NOMO1: variants seen among roughly 807,000 people sequenced by gnomAD.
NOMO1 encodes the protein nodal modulator 3.
A neutral mutation model predicts 133.8 loss-of-function variants in NOMO1; 40 were observed. The ratio of observed to expected loss-of-function variants is 0.30; its 90% CI spans 0.23 to 0.39. NOMO1 has a LOEUF of 0.39. Among genes scored for constraint, NOMO1 ranks in the 10% least tolerant of loss-of-function variants. The pLI is 1.00. For missense variants in NOMO1, 462 were observed against 1,419.9 expected (o/e 0.33, Z 10.84); for synonymous variants, 236 against 570.5 (o/e 0.41, Z 8.36).
intron 26 of NOMO1, among the ~76,000 whole-genome samples, chr16:14,883,333 CT>C: frequency 7.1e-6 from 1 of 140,474 alleles, no homozygotes; most frequent in African/African-American, 2.6e-5. Context: ...ATTTTCTTTT[CT>C]TTTTCTTTTT....
Position 14,878,922 on chromosome 16 carries a change from C to G in NOMO1, c.2757+88C>G. 2.5e-6 allele frequency: 4 copies of G among 1,571,138 alleles called. No individual in the cohort carries two copies. In the South Asian group the frequency reaches 4.4e-5, roughly 17 times the overall value. On this transcript the variant is annotated intron_variant, in intron 23 of 30. Coordinates refer to ENST00000287667, the MANE Select transcript of NOMO1 (RefSeq NM_014287.4). ...GCGAGACTTACGTGTTGCTTGACAA[C>G]GTGAGAAGAGAAAGCCAATGTGGAG...
chr16:14,861,010 A>AT (rs1963916789), intron 11 of NOMO1, among the ~76,000 whole-genome samples: 1 of 138,844 alleles, frequency 7.2e-6, no homozygotes, highest in Admixed American at 7.3e-5. Context: ...TAATTTTTAT[A>AT]TTTTTTAGTA....
At chr16:14,882,973 A>G (rs1221280708) in intron 26 of NOMO1, among the ~76,000 whole-genome samples, 1 of 152,102 alleles carries the variant, frequency 6.6e-6, no homozygotes, top group Middle Eastern at 3.2e-3. Flanking sequence ...CCTAAGCAGC[A>G]TTTCAAATCA....
chr16:14,887,165 G>A (rs558708627), intron 28 of NOMO1, among the ~76,000 whole-genome samples: 10 of 152,188 alleles, frequency 6.6e-5, no homozygotes, highest in East Asian at 1.9e-4. Flanking sequence ...GCACGTGTGC[G>A]CATGCATGTA....
chr16:14,853,330 A>G lies in NOMO1; in HGVS notation c.736-137A>G, dbSNP rs1963787179. 8 of 612,368 alleles carry G rather than the reference A, an allele frequency of 1.3e-5. 1 individual carries two copies. The South Asian group carries it at 1.6e-4, about 13-fold the overall frequency. 37.9% of individuals were successfully genotyped at this position (612,368 alleles called of 1,614,324 possible). On this transcript the variant is annotated intron_variant, in intron 7 of 30. Transcript: ENST00000287667. ...CAAGATTTTTGTTCCTTTTATCTGT[A>G]TTAATGTGTCTTAGATTTCAGAAAT...
chr16:14,878,189 G>A (rs1964187599), intron 22 of NOMO1, among the ~76,000 whole-genome samples: 1 of 143,846 alleles, frequency 7.0e-6, no homozygotes, highest in African/African-American at 2.6e-5. Flanking sequence ...TATAAAATTT[G>A]TGTGGGCATA....
chr16:14,841,684 C>T (rs1963605860), intron 3 of NOMO1, among the ~76,000 whole-genome samples: 1 of 151,014 alleles, frequency 6.6e-6, no homozygotes, highest in East Asian at 2.0e-4. Flanking sequence ...ATTACGTGGC[C>T]GTGGAACAGT....
Position 14,864,734 on chromosome 16 carries a change from A to G in NOMO1, c.1537+8A>G, listed in dbSNP as rs556319742. On this transcript the variant is annotated splice_region_variant and intron_variant, in intron 13 of 30. Transcript: ENST00000287667. Reference sequence around the variant, plus strand: ...GGAAAGTCTCTTGTTTGGGTAAGATATCACTGGAAAGTAAGAACACATAGT... The same window carrying G: ...GGAAAGTCTCTTGTTTGGGTAAGATGTCACTGGAAAGTAAGAACACATAGT... 5.9e-5 allele frequency: 96 copies of G among 1,613,610 alleles called. No individual in the cohort carries two copies. Among genetic ancestry groups the G allele is most frequent in the South Asian group, 5.8e-4 (53 of 91,048 alleles).
At position 14,866,570 on chromosome 16, in the gene NOMO1, A is replaced by C; in HGVS notation, c.1685A>C (p.Glu562Ala). 6.2e-7 allele frequency: 1 copy of C among 1,610,090 alleles called. No individual in the cohort carries two copies. Among genetic ancestry groups the C allele is most frequent in the South Asian group, 1.1e-5 (1 of 90,930 alleles). ...GCTTTTGCAGTAAGCATCATGCATG[A>C]GGATTGGTGCTGGAAGAACAAGAGC... ...PGKYKISIMH[E>A]DWCWKNKSLE... Residue 562 changes from glutamate to alanine, a missense_variant, in exon 15 of 31, where the codon GAG becomes GCG. Transcript: ENST00000287667.
intron 23 of NOMO1, among the ~76,000 whole-genome samples, chr16:14,879,331 A>G (rs1964209211): frequency 6.6e-6 from 1 of 152,002 alleles, no homozygotes; most frequent in Admixed American, 6.6e-5. Context: ...TGGTGGGGCT[A>G]CTGGAGACCG....
chr16:14,861,920 T>C (rs891657066), intron 11 of NOMO1, among the ~76,000 whole-genome samples: 3 of 144,954 alleles, frequency 2.1e-5, no homozygotes, highest in Non-Finnish European at 4.6e-5. Flanking sequence ...GGGAGGGGGG[T>C]CCTTGGGTGG....
rs541151504 is a variant in NOMO1, at chr16:14,859,602, C to G, written c.1220+1947C>G. ...GGCAGAGGTGGGCGGATCGATTGAG[C>G]CCAGGAGTTTGAGACCAGCCTGGGC... On this transcript the variant is annotated intron_variant, in intron 11 of 30. Transcript: ENST00000287667. 2.0e-5 allele frequency among the ~76,000 whole-genome samples: 3 copies of G among 152,004 alleles called. No homozygotes were observed. In the East Asian group the frequency reaches 5.8e-4, roughly 29 times the overall value.
chr16:14,878,025 A>C (rs1964185894), intron 22 of NOMO1, among the ~76,000 whole-genome samples: 1 of 149,762 alleles, frequency 6.7e-6, no homozygotes, highest in Admixed American at 6.7e-5. Flanking sequence ...GCAGTAGTTA[A>C]GAAACAGGCA....
chr16:14,876,007 C>T (rs1053825962), intron 20 of NOMO1, among the ~76,000 whole-genome samples: 6 of 144,012 alleles, frequency 4.2e-5, no homozygotes, highest in Non-Finnish European at 7.6e-5. Context: ...TTGGGGCGGT[C>T]TTTCTCAGTG....
intron 16 of NOMO1, among the ~76,000 whole-genome samples, chr16:14,870,986 A>G (rs1310612676): frequency 6.7e-6 from 1 of 148,650 alleles, no homozygotes; most frequent in Admixed American, 6.7e-5. Flanking sequence ...GAGTGCAATG[A>G]AAACAGCAGG....
rs1963851467 is a variant in NOMO1, at chr16:14,857,143, G to C, written c.964-74G>C. 7 of 1,608,460 alleles carry C rather than the reference G, an allele frequency of 4.4e-6. No homozygotes were observed. In the South Asian group the frequency reaches 6.6e-5, roughly 15 times the overall value. ...GCAGACATGGTAGGTGGTGGCCGGC[G>C]CAGCAGAAGGAGTCTTTGTGGCTCT... is the stretch of plus-strand genomic sequence containing the variant. On this transcript the variant is annotated intron_variant, in intron 9 of 30. Transcript: ENST00000287667.
At chr16:14,835,295 A>G (rs1963488360) in intron 1 of NOMO1, among the ~76,000 whole-genome samples, 1 of 150,940 alleles carries the variant, frequency 6.6e-6, no homozygotes, top group Non-Finnish European at 1.5e-5. Flanking sequence ...GCATTGAATG[A>G]ATCTACCCAC....
intron 9 of NOMO1, among the ~76,000 whole-genome samples, chr16:14,855,986 T>A (rs1472612852): frequency 4.6e-5 from 7 of 151,614 alleles, no homozygotes; most frequent in Non-Finnish European, 5.9e-5. Context: ...GAAAAAAAAA[T>A]AAAAAAATAA....
Position 14,846,661 on chromosome 16 carries a change from A to G in NOMO1, c.487A>G (p.Thr163Ala), listed in dbSNP as rs777150309. Residue 163 changes from threonine (T) to alanine (A), a missense_variant, in exon 5 of 31, where the codon ACA becomes GCA. By Grantham distance (58) the Thr-to-Ala change is moderately conservative. Coordinates refer to ENST00000287667, the MANE Select transcript of NOMO1 (RefSeq NM_014287.4). Reference protein sequence around the residue: ...NTGTEAKIQSTVTQPGGKFAF... With the variant: ...NTGTEAKIQSAVTQPGGKFAF... ...TGGGACCGAAGCAAAGATCCAGTCCACAGTTACACAGCCTGGCGGAAAGTG... is the reference window on the plus strand; with the variant it reads ...TGGGACCGAAGCAAAGATCCAGTCCGCAGTTACACAGCCTGGCGGAAAGTG... 1.6e-6 allele frequency: 2 copies of G among 1,276,436 alleles called. No individual in the cohort carries two copies. The highest frequency in any genetic ancestry group is 2.4e-5 in the East Asian group (1 of 41,092). The allele number at this position is 1,276,436 out of a possible 1,614,324, so 79.1% of individuals were successfully genotyped here.
Sources: allele counts gnomAD v4.1 joint callset (sites outside exome capture counted in the v4.1 genomes callset), GRCh38; gene constraint gnomAD v4.1.1; transcripts MANE v1.5; gene names NCBI Gene and HGNC (gene_info 2026-07-23, HGNC 2026-07-21).